Variants in RNF216 observed in about 807,000 individuals in gnomAD.
RNF216 encodes the protein ring finger protein 216.
RNF216 carries 72 observed loss-of-function variants against 110.8 expected under a neutral mutation model. The ratio of observed to expected loss-of-function variants is 0.65; its 90% CI spans 0.54 to 0.79. The LOEUF (loss-of-function observed/expected upper bound fraction) is 0.79. RNF216 is among the 30% of genes least tolerant of loss of function. The probability of loss-of-function intolerance (pLI) is 0.00; values close to 1 mark genes in which losing one functional copy is unlikely to be tolerated. For synonymous variants in RNF216, 495 were observed against 407.5 expected, an observed-to-expected ratio of 1.21 and a Z score of -2.59; for missense variants, 1,342 against 1,141.2, an observed-to-expected ratio of 1.18 and a Z score of -2.54.
intron 15 of RNF216, among the ~76,000 whole-genome samples, chr7:5,631,969 G>A (rs1366478179): frequency 6.6e-6 from 1 of 152,200 alleles, no homozygotes; most frequent in African/African-American, 2.4e-5. Context: ...TTTCATAAGA[G>A]GACCCTGAGG....
At chr7:5,653,634 A>G (rs1788543250) in intron 13 of RNF216, among the ~76,000 whole-genome samples, 1 of 151,896 alleles carries the variant, frequency 6.6e-6, no homozygotes, top group Non-Finnish European at 1.5e-5. Context: ...AGAATTAAAA[A>G]AAAATGTTAA....
chr7:5,649,744 AC>A (rs1788272697), intron 14 of RNF216: 1 of 152,146 alleles, frequency 6.6e-6, no homozygotes, highest in Non-Finnish European at 1.5e-5. Flanking sequence ...TTTGGCTTGT[AC>A]AGAAGAATGG....
At chr7:5,644,731 C>T (rs1787948208) in intron 14 of RNF216, among the ~76,000 whole-genome samples, 1 of 152,102 alleles carries the variant, frequency 6.6e-6, no homozygotes, top group South Asian at 2.1e-4. Flanking sequence ...TCTTAAACTC[C>T]TGGGCTTAAG....
chr7:5,686,390 G>C (rs1394863334), intron 13 of RNF216, among the ~76,000 whole-genome samples: 1 of 152,162 alleles, frequency 6.6e-6, no homozygotes, highest in Non-Finnish European at 1.5e-5. Flanking sequence ...GGCTGGGACA[G>C]AAAACAGGAT....
chr7:5,709,179 C>T (rs1792498612), intron 13 of RNF216, among the ~76,000 whole-genome samples: 1 of 152,134 alleles, frequency 6.6e-6, no homozygotes, highest in South Asian at 2.1e-4. Context: ...CCTCAGAGGT[C>T]CCCAACCTGG....
chr7:5,774,547 C>A (rs6944358), intron 1 of RNF216, among the ~76,000 whole-genome samples: 1 of 152,036 alleles, frequency 6.6e-6, no homozygotes, highest in Non-Finnish European at 1.5e-5. Flanking sequence ...TGACATTGTG[C>A]TATTTTTATT....
At chr7:5,660,943 G>GT (rs1168463360) in intron 13 of RNF216, among the ~76,000 whole-genome samples, 5,300 of 90,152 alleles carry the variant, frequency 0.059, 151 homozygotes, top group East Asian at 0.073. Context: ...GAAGCCTTAG[G>GT]TTTTTTTTTT....
intron 13 of RNF216, among the ~76,000 whole-genome samples, chr7:5,656,402 G>A (rs1378586340): frequency 2.0e-5 from 3 of 152,226 alleles, no homozygotes; most frequent in Non-Finnish European, 4.4e-5. Flanking sequence ...GGAAGGCAAA[G>A]TACACTTTGA....
chr7:5,749,683 C>G (rs1485202278), intron 3 of RNF216, among the ~76,000 whole-genome samples: 2 of 152,098 alleles, frequency 1.3e-5, no homozygotes, highest in Non-Finnish European at 2.9e-5. Context: ...CAATTATAAT[C>G]CTAAAGTGCT....
chr7:5,691,710 G>C (rs751335064), intron 13 of RNF216, among the ~76,000 whole-genome samples: 1 of 152,182 alleles, frequency 6.6e-6, no homozygotes, highest in Admixed American at 6.5e-5. Context: ...CTGGCCACCC[G>C]GCAGGGAGTC....
intron 1 of RNF216, among the ~76,000 whole-genome samples, chr7:5,776,796 G>C (rs1796803364): frequency 6.6e-6 from 1 of 150,392 alleles, no homozygotes; most frequent in South Asian, 2.1e-4. Context: ...TGTTACTCTG[G>C]AGGCTGAGGC....
At chr7:5,674,036 T>TC (rs1296546514) in intron 13 of RNF216, among the ~76,000 whole-genome samples, 1 of 151,466 alleles carries the variant, frequency 6.6e-6, no homozygotes, top group African/African-American at 2.4e-5. Flanking sequence ...ATTTTCAATT[T>TC]TTTTTTTTTT....
intron 13 of RNF216, among the ~76,000 whole-genome samples, chr7:5,706,560 G>A (rs1584484289): frequency 6.6e-6 from 1 of 152,216 alleles, no homozygotes; most frequent in Admixed American, 6.5e-5. Flanking sequence ...GTATGTGCCA[G>A]GAGTTCCTTC....
intron 13 of RNF216, among the ~76,000 whole-genome samples, chr7:5,668,684 C>T (rs935004851): frequency 6.6e-6 from 1 of 152,170 alleles, no homozygotes; most frequent in Non-Finnish European, 1.5e-5. Context: ...AGGTGGGAGA[C>T]ACCCAGAGTG....
intron 3 of RNF216, among the ~76,000 whole-genome samples, chr7:5,744,384 G>A (rs764444596): frequency 1.1e-4 from 16 of 152,038 alleles, no homozygotes; most frequent in Non-Finnish European, 2.2e-4. Context: ...AGAACAAAAA[G>A]GTCTTCAAAA....
intron 13 of RNF216, among the ~76,000 whole-genome samples, chr7:5,678,827 T>C (rs118085284): frequency 1.2e-3 from 181 of 152,278 alleles, no homozygotes; most frequent in Non-Finnish European, 2.1e-3. Context: ...AGGGAAGACA[T>C]GAGAGCTGGA....
rs1024377575 is a variant in RNF216, at chr7:5,666,038, C to T, written c.2062-13528G>A. Among the ~76,000 whole-genome samples, 229 of 151,928 alleles carry T rather than the reference C, an allele frequency of 1.5e-3. 1 individual carries two copies. The highest frequency in any genetic ancestry group is 5.3e-3 in the African/African-American group (219 of 41,424). On this transcript the variant is annotated intron_variant, in intron 13 of 16. Coordinates refer to ENST00000389902, the MANE Select transcript of RNF216 (RefSeq NM_207111.4). ...AAAATTAGCCGGGCGTGGTGGCGGG[C>T]GCCTGTAGTCCCAGCTACTCGGGAG...
At chr7:5,626,101 C>T (rs1786686426) in intron 15 of RNF216, among the ~76,000 whole-genome samples, 1 of 152,182 alleles carries the variant, frequency 6.6e-6, no homozygotes, top group South Asian at 2.1e-4. Context: ...CCAAGCACAC[C>T]ACAGAATCCT....
chr7:5,732,202 T>C (rs184984462), intron 5 of RNF216, among the ~76,000 whole-genome samples: 44 of 152,328 alleles, frequency 2.9e-4, no homozygotes, highest in African/African-American at 1.0e-3. Context: ...ATCCTAGAAT[T>C]CACTGGTGTG....
Sources: allele counts gnomAD v4.1 joint callset (sites outside exome capture counted in the v4.1 genomes callset), GRCh38; gene constraint gnomAD v4.1.1; transcripts MANE v1.5; gene names NCBI Gene and HGNC (gene_info 2026-07-23, HGNC 2026-07-21).